Variants in ANKRD27 observed in about 807,000 individuals in gnomAD.
ANKRD27 encodes the protein ankyrin repeat domain-containing protein 27.
In ANKRD27, 112 loss-of-function variants were observed where a neutral mutation model predicts 129.7. That is an observed-to-expected ratio of 0.86 (90% CI 0.74 to 1.01). The LOEUF (loss-of-function observed/expected upper bound fraction) is 1.01. Among genes scored for constraint, ANKRD27 ranks in the 50% least tolerant of loss-of-function variants. The pLI, the probability that ANKRD27 is intolerant of heterozygous loss-of-function variation, is 0.00. For missense variants in ANKRD27, 1,258 were observed against 1,300.5 expected (o/e 0.97, Z 0.50); for synonymous variants, 516 against 511.2 (o/e 1.01, Z -0.13).
chr19:32,667,769 T>C (rs1195297342), intron 1 of ANKRD27, among the ~76,000 whole-genome samples: 2 of 148,304 alleles, frequency 1.3e-5, no homozygotes, highest in African/African-American at 2.5e-5. Flanking sequence ...GAGATGGAGG[T>C]TGCAGTAAGC....
intron 4 of ANKRD27, among the ~76,000 whole-genome samples, chr19:32,645,689 G>A (rs1967289476): frequency 6.6e-6 from 1 of 151,996 alleles, no homozygotes; most frequent in Non-Finnish European, 1.5e-5. Context: ...CTGGAGTGCA[G>A]TGGTGCGATC....
intron 2 of ANKRD27, among the ~76,000 whole-genome samples, chr19:32,652,206 T>C (rs1020483576): frequency 6.6e-6 from 1 of 152,244 alleles, no homozygotes; most frequent in South Asian, 2.1e-4. Flanking sequence ...AGTTACTGCG[T>C]TGACCAGAAG....
chr19:32,628,240 G>C (rs1966926521), intron 14 of ANKRD27, 75 bp from the exon 15 acceptor site: 2 of 1,289,138 alleles, frequency 1.6e-6, no homozygotes, highest in African/African-American at 2.9e-5. Flanking sequence ...AGGTAGATAG[G>C]CAGGTACCAC....
intron 2 of ANKRD27, among the ~76,000 whole-genome samples, chr19:32,656,103 G>GGAAAAGAAAAGAAAAGA (rs753712685): frequency 5.5e-4 from 68 of 123,738 alleles, no homozygotes; most frequent in South Asian, 3.6e-3. Flanking sequence ...AAGAAAGAAA[G>GGAAAAGAAAAGAAAAGA]AAAGAAAAGA....
At chr19:32,619,690 G>T (rs1286537505) in intron 18 of ANKRD27, 137 bp from the exon 19 acceptor site, 1 of 1,034,356 alleles carries the variant, frequency 9.7e-7, no homozygotes. Flanking sequence ...ACGTGGCCCA[G>T]TCGCACCCTT....
chr19:32,642,920 G>A, intron 9 of ANKRD27: 1 of 602,636 alleles, frequency 1.7e-6, no homozygotes, highest in Non-Finnish European at 2.9e-6. Flanking sequence ...CTGGCGTGCT[G>A]GTGCAGTGTG....
chr19:32,662,240 G>A (rs1967658073), intron 1 of ANKRD27, among the ~76,000 whole-genome samples: 1 of 148,774 alleles, frequency 6.7e-6, no homozygotes, highest in Non-Finnish European at 1.5e-5. Flanking sequence ...GAACTCAGGA[G>A]GCAGAGATTG....
At chr19:32,615,807 G>A in intron 21 of ANKRD27, 27 bp from the exon 22 acceptor site, 1 of 1,605,368 alleles carries the variant, frequency 6.2e-7, no homozygotes, top group Non-Finnish European at 8.5e-7. Flanking sequence ...ACGGAAACAG[G>A]AACACATCCT....
intron 2 of ANKRD27, among the ~76,000 whole-genome samples, chr19:32,656,107 GA>G (rs770390590): frequency 0.071 from 7,600 of 106,698 alleles, 730 homozygotes; most frequent in African/African-American, 0.25. Flanking sequence ...AAGAAAGAAA[GA>G]AAAGAAAAGA....
intron 10 of ANKRD27, 144 bp downstream of exon 10, chr19:32,641,880 A>C: frequency 2.2e-6 from 2 of 929,952 alleles, no homozygotes; most frequent in South Asian, 2.7e-5. Flanking sequence ...TGATCCTCCC[A>C]CCTTGGCCTC....
chr19:32,657,299 T>C (rs573736378), intron 2 of ANKRD27, among the ~76,000 whole-genome samples: 2 of 151,718 alleles, frequency 1.3e-5, no homozygotes, highest in African/African-American at 4.8e-5. Context: ...CTGTCTCCAC[T>C]AAAAATACAA....
chr19:32,664,448 C>T (rs58838452), intron 1 of ANKRD27, among the ~76,000 whole-genome samples: 15,504 of 151,476 alleles, frequency 0.1, 2,519 homozygotes, highest in African/African-American at 0.34. Flanking sequence ...CATGAAACCC[C>T]GTCTCTATAA....
In ANKRD27 at chr19:32,607,782, C is replaced by T. The variant is rs769105365; in HGVS notation, c.2226G>A (p.Gln742=). The T allele has an allele frequency of 6.2e-7, 1 of 1,611,820 alleles. No individual in the cohort carries two copies. The highest frequency in any genetic ancestry group is 8.5e-7 in the Non-Finnish European group (1 of 1,179,264). Reference sequence around the variant, plus strand: ...CGACATGCAGCGGGGAGGAGCCGTCCTGGCTGGTCACGTTCACACCAAGCC... The same window carrying T: ...CGACATGCAGCGGGGAGGAGCCGTCTTGGCTGGTCACGTTCACACCAAGCC... ...ASGLGVNVTS[Q]DGSSPLHVAA... is the part of the protein sequence containing the mutation. Residue 742 remains glutamine (Q), a synonymous_variant, in exon 23 of 29, where the codon CAG becomes CAA. Transcript: ENST00000306065.
At chr19:32,601,133 T>C (rs781432557) in intron 26 of ANKRD27, among the ~76,000 whole-genome samples, 4 of 151,654 alleles carry the variant, frequency 2.6e-5, no homozygotes, top group Non-Finnish European at 2.9e-5. Flanking sequence ...ACCCTGTCTC[T>C]ACTAAAAATA....
chr19:32,612,558 T>G (rs924948414), intron 22 of ANKRD27, among the ~76,000 whole-genome samples: 4 of 152,126 alleles, frequency 2.6e-5, no homozygotes, highest in African/African-American at 9.7e-5. Context: ...TACTGAGGCT[T>G]ACTACACAGC....
In ANKRD27 at chr19:32,609,862, G is replaced by T. The variant is rs373192744; in HGVS notation, c.2176-2030C>A. 1.2e-4 allele frequency among the ~76,000 whole-genome samples: 18 copies of T among 151,524 alleles called. No individual in the cohort carries two copies. The East Asian group carries it at 3.5e-3, about 29-fold the overall frequency. ...TGTATATAATTATATTTCAATAAAAGATTTAAAAACAAATTCTAAAACACC... is the reference window on the plus strand; with the variant it reads ...TGTATATAATTATATTTCAATAAAATATTTAAAAACAAATTCTAAAACACC... On this transcript the variant is annotated intron_variant, in intron 22 of 28. Transcript: ENST00000306065.
chr19:32,645,421 A>AAAT lies in ANKRD27; in HGVS notation c.371-945_371-943dup, dbSNP rs1285434939. 3.3e-5 allele frequency among the ~76,000 whole-genome samples: 5 copies of AAAT among 151,566 alleles called. No individual in the cohort carries two copies. The South Asian group carries it at 6.3e-4, about 19-fold the overall frequency. ...GCAAGACTCCATCTCAAAAATAATT[A>AAAT]AATAATAATAATAATAATTTATTTT... is the stretch of plus-strand genomic sequence containing the variant. On this transcript the variant is annotated intron_variant, in intron 4 of 28. Coordinates refer to ENST00000306065, the MANE Select transcript of ANKRD27 (RefSeq NM_032139.3).
chr19:32,671,980 G>A (rs1000056075), intron 1 of ANKRD27, among the ~76,000 whole-genome samples: 3 of 152,152 alleles, frequency 2.0e-5, no homozygotes, highest in South Asian at 2.1e-4. Flanking sequence ...GTGCACACTC[G>A]TGGTTTTGTG....
At position 32,597,195 on chromosome 19, in the gene ANKRD27, G is replaced by C. The variant is rs573204573; in HGVS notation, c.*950C>G. On this transcript the variant is annotated 3_prime_UTR_variant, in exon 29 of 29. Transcript: ENST00000306065. ...ACAAGGTCATTTGAAAACGGACTCA[G>C]GACAAACCCATATACGTGTAGCTCT... 1 of 150,838 alleles carries C rather than the reference G, an allele frequency of 6.6e-6. No individual in the cohort carries two copies. Among genetic ancestry groups the C allele is most frequent in the South Asian group, 2.2e-4 (1 of 4,596 alleles). The allele number at this position is 150,838 out of a possible 1,614,324, so 9.3% of individuals were successfully genotyped here. A position where few individuals can be genotyped will look rare whatever the true frequency, so the allele number is the denominator to read the frequency against.
Sources: gnomAD v4.1 joint callset for allele counts (sites outside exome capture counted in the v4.1 genomes callset) on GRCh38, gnomAD v4.1.1 for gene constraint, MANE v1.5 for transcripts, NCBI Gene and HGNC (gene_info 2026-07-23, HGNC 2026-07-21) for gene names.